The following RUBCNL variants were observed in gnomAD, a reference collection of about 807,000 sequenced individuals.
RUBCNL encodes the protein rubicon like autophagy enhancer.
RUBCNL carries 62 observed loss-of-function variants against 69.5 expected under a neutral mutation model. The observed-to-expected ratio is 0.89, with a 90% CI of 0.73 to 1.10. RUBCNL has a LOEUF of 1.10. RUBCNL is among the 50% of genes least tolerant of loss of function. The pLI is 0.00. For missense variants in RUBCNL, 768 were observed against 798.1 expected (o/e 0.96, Z 0.45); for synonymous variants, 291 against 303.6 (o/e 0.96, Z 0.43).
intron 10 of RUBCNL, among the ~76,000 whole-genome samples, chr13:46,351,259 C>A (rs765158202): frequency 6.6e-6 from 1 of 151,966 alleles, no homozygotes; most frequent in Non-Finnish European, 1.5e-5. Flanking sequence ...GAGACCCTGT[C>A]ACAAATTGAT....
chr13:46,343,529 G>A (rs537158238), intron 14 of RUBCNL, 32 bp from the exon 15 acceptor site: 9 of 1,599,854 alleles, frequency 5.6e-6, no homozygotes, highest in East Asian at 4.5e-5. Context: ...GTTAGCAAAC[G>A]GTCTATCTTG....
intron 12 of RUBCNL, 44 bp from the exon 13 acceptor site, chr13:46,345,644 CAG>C: frequency 6.2e-7 from 1 of 1,603,844 alleles, no homozygotes; most frequent in Non-Finnish European, 8.5e-7. Flanking sequence ...CCCACCCACA[CAG>C]AGGACAGGGA....
At chr13:46,346,335 CTCT>C (rs2048245231) in intron 12 of RUBCNL, among the ~76,000 whole-genome samples, 1 of 152,176 alleles carries the variant, frequency 6.6e-6, no homozygotes, top group African/African-American at 2.4e-5. Flanking sequence ...TCCCCAATCC[CTCT>C]TCTTTGCTCC....
At chr13:46,382,636 G>A (rs180756334) in intron 1 of RUBCNL, among the ~76,000 whole-genome samples, 357 of 152,222 alleles carry the variant, frequency 2.3e-3, no homozygotes, top group Non-Finnish European at 3.7e-3. Context: ...AGGTTCAGGC[G>A]ATTCTCCTTG....
At position 46,377,535 on chromosome 13, in the gene RUBCNL, T is replaced by C. The variant is rs146331962; in HGVS notation, c.-123+355A>G. 8.1e-3 allele frequency among the ~76,000 whole-genome samples: 1,227 copies of C among 152,318 alleles called. 8 individuals carry two copies. Among genetic ancestry groups the C allele is most frequent in the Middle Eastern group, 0.017 (5 of 294 alleles). ...CAACTCGGCCTTCCAAAGCGCTGGA[T>C]TGCAGGTGTGGGCCACTGTGCCTGG... On this transcript the variant is annotated intron_variant, in intron 2 of 14. Coordinates refer to ENST00000429979, the MANE Select transcript of RUBCNL (RefSeq NM_025113.5).
chr13:46,343,763 T>G (rs1267290478), intron 14 of RUBCNL, among the ~76,000 whole-genome samples: 1 of 152,136 alleles, frequency 6.6e-6, no homozygotes, highest in Non-Finnish European at 1.5e-5. Flanking sequence ...GCTCAAGCAC[T>G]GAGGCAGGCG....
Position 46,350,212 on chromosome 13 carries a change from G to A in RUBCNL, c.1470C>T (p.Ser490=). The change falls in exon 11 of 15, where the codon TCC becomes TCT. Residue 490 remains serine, a synonymous_variant. Transcript: ENST00000429979. ...DFKKYYVSNF[S]KQLLDSIWHQ... ...GCCATATGCTGTCGAGCAGCTGTTT[G>A]GAGAAATTGCTGACGTAGTACTTCT... The A allele has an allele frequency of 6.3e-7, 1 of 1,593,638 alleles. No individual in the cohort carries two copies. Among genetic ancestry groups the A allele is most frequent in the Non-Finnish European group, 8.5e-7 (1 of 1,169,754 alleles).
At chr13:46,373,281 T>A (rs1361116274) in intron 2 of RUBCNL, among the ~76,000 whole-genome samples, 1 of 152,202 alleles carries the variant, frequency 6.6e-6, no homozygotes, top group Non-Finnish European at 1.5e-5. Flanking sequence ...GCCATTTCCA[T>A]ATGTTCTTAT....
At chr13:46,360,245 C>T (rs2048581457) in intron 8 of RUBCNL, among the ~76,000 whole-genome samples, 1 of 151,992 alleles carries the variant, frequency 6.6e-6, no homozygotes, top group South Asian at 2.1e-4. Flanking sequence ...AAAAGTTAGC[C>T]AGAAATTGCT....
Position 46,343,193 on chromosome 13 carries a change from C to A in RUBCNL, c.*192G>T, listed in dbSNP as rs2048170668. On this transcript the variant is annotated 3_prime_UTR_variant, in exon 15 of 15. Transcript: ENST00000429979. ...AGAACATTTGTAAACAAAACCACAA[C>A]TATCAGCCCTGTGCTTAAACACAGA... is the stretch of plus-strand genomic sequence containing the variant. 3.4e-6 allele frequency: 3 copies of A among 894,220 alleles called. No homozygotes were observed. The South Asian group carries it at 6.6e-5, about 20-fold the overall frequency. 55.4% of individuals were successfully genotyped at this position (894,220 alleles called of 1,614,324 possible).
intron 2 of RUBCNL, among the ~76,000 whole-genome samples, chr13:46,373,159 G>A (rs574516509): frequency 1.1e-4 from 16 of 151,984 alleles, no homozygotes; most frequent in African/African-American, 3.4e-4. Context: ...TTTTTAGTAG[G>A]GACGGGGTTT....
intron 1 of RUBCNL, among the ~76,000 whole-genome samples, chr13:46,379,407 C>A (rs1328563079): frequency 6.6e-6 from 1 of 152,168 alleles, no homozygotes; most frequent in African/African-American, 2.4e-5. Flanking sequence ...GTATTTTGGA[C>A]ACTGCTTTGT....
intron 1 of RUBCNL, among the ~76,000 whole-genome samples, chr13:46,382,358 A>G (rs957794405): frequency 6.6e-6 from 1 of 152,078 alleles, no homozygotes; most frequent in African/African-American, 2.4e-5. Flanking sequence ...ATACTGAATA[A>G]ATGTGTCAAA....
intron 2 of RUBCNL, among the ~76,000 whole-genome samples, chr13:46,373,591 G>A (rs562335934): frequency 1.3e-5 from 2 of 152,252 alleles, no homozygotes; most frequent in East Asian, 1.9e-4. Flanking sequence ...TTACAGGCTC[G>A]GGAAATGTTT....
chr13:46,368,208 TG>T lies in RUBCNL; in HGVS notation c.659del (p.Ala220GlufsTer5). ...GAATGTTACACTTCATTTTCTCCATTGCTGATATAATCATATCTGCAACATA... is the reference window on the plus strand; with the variant it reads ...GAATGTTACACTTCATTTTCTCCATTCTGATATAATCATATCTGCAACATA... ...HFYVADMIISAMEKMKCNILS... is the reference protein window; with the variant it reads ...HFYVADMIISXMEKMKCNILS... On this transcript the variant is annotated frameshift_variant, in exon 5 of 15. Coordinates refer to ENST00000429979, the MANE Select transcript of RUBCNL (RefSeq NM_025113.5). LOFTEE classifies it high-confidence loss of function. 6.2e-7 allele frequency: 1 copy of T among 1,613,950 alleles called. No homozygotes were observed. The highest frequency in any genetic ancestry group is 8.5e-7 in the Non-Finnish European group (1 of 1,179,872).
intron 2 of RUBCNL, among the ~76,000 whole-genome samples, chr13:46,377,687 A>C (rs1268992163): frequency 6.6e-6 from 1 of 152,282 alleles, no homozygotes; most frequent in East Asian, 1.9e-4. Context: ...CATAAAAAAC[A>C]ACCGTCAAAA....
At chr13:46,388,928 TGGG>T (rs1208321023), upstream of RUBCNL, among the ~76,000 whole-genome samples, 1 of 152,190 alleles carries the variant, frequency 6.6e-6, no homozygotes, top group Non-Finnish European at 1.5e-5. Context: ...CTGCTTCCCT[TGGG>T]GGCAGCCTGT....
intron 6 of RUBCNL, among the ~76,000 whole-genome samples, 176 bp downstream of exon 6, chr13:46,362,939 G>GATATATATATATAGATATATATAT: frequency 2.4e-5 from 1 of 41,486 alleles, no homozygotes; most frequent in South Asian, 7.7e-4. Flanking sequence ...TATATATATA[G>GATATATATATATAGATATATATAT]ATATATATAT....
chr13:46,349,397 C>T (rs536616177), intron 11 of RUBCNL, 50 bp from the exon 12 acceptor site: 46 of 1,504,372 alleles, frequency 3.1e-5, no homozygotes, highest in African/African-American at 1.2e-4. Context: ...ATAAATGACA[C>T]GGGAAAAGTG....
Sources: gnomAD v4.1 joint callset for allele counts (sites outside exome capture counted in the v4.1 genomes callset) on GRCh38, gnomAD v4.1.1 for gene constraint, MANE v1.5 for transcripts, NCBI Gene and HGNC (gene_info 2026-07-23, HGNC 2026-07-21) for gene names.